The following HERC1 variants were observed in gnomAD, a reference collection of about 807,000 sequenced individuals.
HERC1 encodes the protein HECT and RLD domain containing E3 ubiquitin protein ligase family member 1.
A neutral mutation model predicts 554.3 loss-of-function variants in HERC1; 160 were observed. The observed-to-expected ratio is 0.29, with a 90% CI of 0.25 to 0.33. HERC1 has a LOEUF of 0.33. Ranked by LOEUF, HERC1 falls within the 10% of genes least tolerant of loss-of-function variation. The pLI is 1.00. For synonymous variants in HERC1, 2,175 were observed against 2,131.7 expected (o/e 1.02, Z -0.56); for missense variants, 4,919 against 5,918.5 (o/e 0.83, Z 5.54).
intron 1 of HERC1, among the ~76,000 whole-genome samples, chr15:63,815,167 G>A (rs923584236): frequency 3.3e-5 from 5 of 152,088 alleles, no homozygotes; most frequent in East Asian, 3.9e-4. Flanking sequence ...CTCCACATTC[G>A]TCTCTTATGG....
intron 54 of HERC1, among the ~76,000 whole-genome samples, 158 bp from the exon 55 acceptor site, chr15:63,648,357 T>C (rs2069467601): frequency 6.6e-6 from 1 of 152,220 alleles, no homozygotes; most frequent in South Asian, 2.1e-4. Context: ...AGGCGTACAG[T>C]GGGGATTCCA....
In HERC1 at chr15:63,747,065, G is replaced by C. The variant is rs781269228; in HGVS notation, c.2373C>G (p.Leu791=). The C allele has an allele frequency of 1.3e-5, 21 of 1,596,486 alleles. No individual in the cohort carries two copies. The highest frequency in any genetic ancestry group is 1.8e-5 in the Non-Finnish European group (21 of 1,171,710). ...FPSSREHHSF[L]KLCLKLLSNH... is the part of the protein sequence containing the mutation. ...TTGAAAGTAGCTTCAGGCACAGCTTGAGAAAACTGTGGTGTTCTCTGAAAC... is the reference window on the plus strand; with the variant it reads ...TTGAAAGTAGCTTCAGGCACAGCTTCAGAAAACTGTGGTGTTCTCTGAAAC... The change falls in exon 12 of 78, where the codon CTC becomes CTG. Residue 791 remains leucine (L), a synonymous_variant. Transcript: ENST00000443617.
In HERC1 at chr15:63,754,532, C is replaced by A; in HGVS notation, c.1747G>T (p.Val583Leu). ...TTGTCTCCTCCTCCAAAAGACCATA[C>A]AGTTCTCCCATCTTTAGACAGAGCA... ...TIALSKDGRT[V>L]WSFGGGDNGK... Residue 583 changes from valine (V) to leucine (L), a missense_variant, in exon 7 of 78, where the codon GTA (valine) becomes TTA (leucine). Physicochemically the swap from Val to Leu is conservative, Grantham distance 32. Around this residue, in one of 11 missense-constraint regions of HERC1, gnomAD observed 744 missense variants for 1,090.0 expected, o/e 0.68. Transcript: ENST00000443617. 1 of 1,610,930 alleles carries A rather than the reference C, an allele frequency of 6.2e-7. No homozygotes were observed. The highest frequency in any genetic ancestry group is 8.5e-7 in the Non-Finnish European group (1 of 1,178,372).
intron 38 of HERC1, 92 bp downstream of exon 38, chr15:63,674,250 T>A: frequency 8.9e-7 from 1 of 1,118,680 alleles, no homozygotes; most frequent in East Asian, 2.9e-5. Context: ...TTTTTTTTTT[T>A]ACAAATCACT....
intron 12 of HERC1, among the ~76,000 whole-genome samples, chr15:63,745,719 G>T (rs975842834): frequency 6.6e-6 from 1 of 152,190 alleles, no homozygotes; most frequent in Admixed American, 6.5e-5. Flanking sequence ...GGTACTGTAA[G>T]TGCTCACCTG....
intron 1 of HERC1, among the ~76,000 whole-genome samples, chr15:63,792,270 G>C (rs1014159399): frequency 2.0e-5 from 3 of 152,140 alleles, no homozygotes; most frequent in African/African-American, 7.2e-5. Context: ...TAAAAAATAA[G>C]GGATTTGAAT....
intron 12 of HERC1, among the ~76,000 whole-genome samples, chr15:63,744,237 C>A (rs2074970440): frequency 6.6e-6 from 1 of 151,650 alleles, no homozygotes; most frequent in Non-Finnish European, 1.5e-5. Flanking sequence ...TGGAGTGACA[C>A]AAGCACCCCT....
At chr15:63,805,582 C>A (rs1013854226) in intron 1 of HERC1, among the ~76,000 whole-genome samples, 1 of 152,142 alleles carries the variant, frequency 6.6e-6, no homozygotes, top group African/African-American at 2.4e-5. Flanking sequence ...ACTGTATTAA[C>A]ATTTATCAAA....
At chr15:63,729,172 TGGA>T in intron 16 of HERC1, 61 bp downstream of exon 16, 1 of 1,436,332 alleles carries the variant, frequency 7.0e-7, no homozygotes, top group Non-Finnish European at 9.4e-7. Flanking sequence ...CTTAAGACTT[TGGA>T]AAGCCAAGTG....
intron 44 of HERC1, 89 bp downstream of exon 44, chr15:63,662,895 C>T (rs2070431512): frequency 3.1e-6 from 3 of 965,490 alleles, no homozygotes; most frequent in Non-Finnish European, 1.6e-6. Flanking sequence ...TAGAGTGTTT[C>T]AACTCTAGGC....
At chr15:63,675,175 G>A (rs2071133159) in intron 37 of HERC1, 58 bp from the exon 38 acceptor site, 3 of 1,424,176 alleles carry the variant, frequency 2.1e-6, no homozygotes, top group Non-Finnish European at 2.8e-6. Context: ...ACGGGAGGAA[G>A]GTACGGAAAA....
At position 63,655,835 on chromosome 15, in the gene HERC1, T is replaced by C. The variant is rs765913729; in HGVS notation, c.9991A>G (p.Asn3331Asp). 14 of 1,603,050 alleles carry C rather than the reference T, an allele frequency of 8.7e-6. No individual in the cohort carries two copies. The highest frequency in any genetic ancestry group is 6.7e-5 in the African/African-American group (5 of 74,798). Residue 3331 changes from asparagine to aspartate, a missense_variant, in exon 50 of 78, where the codon AAC becomes GAC. By Grantham distance (23) the Asn-to-Asp change is conservative. Coordinates refer to ENST00000443617, the MANE Select transcript of HERC1 (RefSeq NM_003922.4). ...AEENKLVTSP[N>D]FVVTQALVAL... ...ACAAGGGCCTGTGTTACAACAAAGT[T>C]TGGGGAGGTCACAAGCTTGTTCTCT...
chr15:63,832,751 C>T (rs2078199888), intron 1 of HERC1, among the ~76,000 whole-genome samples: 1 of 152,068 alleles, frequency 6.6e-6, no homozygotes, highest in African/African-American at 2.4e-5. Context: ...TTTAATCAAG[C>T]AGGCCAGAGA....
In HERC1 at chr15:63,716,142, G is replaced by A. The variant is rs7176625; in HGVS notation, c.4150+160C>T. Among the ~76,000 whole-genome samples the A allele has an allele frequency of 0.27, 40,847 of 152,098 alleles. 6,084 individuals are homozygous for A. The highest frequency in any genetic ancestry group is 0.38 in the Middle Eastern group (113 of 294). ...GCATCAGAATAGTACTAGCACAGTT[G>A]TAGGAGCCCCTGTCAGCTAATACAA... On this transcript the variant is annotated intron_variant, in intron 22 of 77. Coordinates refer to ENST00000443617, the MANE Select transcript of HERC1 (RefSeq NM_003922.4).
chr15:63,763,082 T>C (rs959074505), intron 3 of HERC1, among the ~76,000 whole-genome samples: 8 of 152,248 alleles, frequency 5.3e-5, no homozygotes, highest in African/African-American at 1.9e-4. Context: ...TCAGGGCCTT[T>C]GTGGGCTCCA....
chr15:63,608,990 CATCT>C lies in HERC1; in HGVS notation c.*87_*90del. 1 of 1,133,808 alleles carries C rather than the reference CATCT, an allele frequency of 8.8e-7. No individual in the cohort carries two copies. Among genetic ancestry groups the C allele is most frequent in the Non-Finnish European group, 1.2e-6 (1 of 808,584 alleles). 70.2% of individuals were successfully genotyped at this position (1,133,808 alleles called of 1,614,324 possible). ...ATAATGTTGGTTTATGTTCTTATAA[CATCT>C]ATGTAGTTACCATAAAAGTATATCA... On this transcript the variant is annotated 3_prime_UTR_variant, in exon 78 of 78. Transcript: ENST00000443617.
At chr15:63,760,435 CAAAAAAAAAAAAA>C (rs34164820) in intron 3 of HERC1, among the ~76,000 whole-genome samples, 1 of 91,424 alleles carries the variant, frequency 1.1e-5, no homozygotes, top group South Asian at 4.3e-4. Context: ...AGACACCATC[CAAAAAAAAAAAAA>C]AAAAAAAGAC....
intron 1 of HERC1, among the ~76,000 whole-genome samples, chr15:63,787,045 T>C (rs188719244): frequency 2.0e-3 from 299 of 152,238 alleles, no homozygotes; most frequent in Non-Finnish European, 3.4e-3. Flanking sequence ...TTTCACCATG[T>C]TGGCCAGGCT....
In HERC1 at chr15:63,694,088, C is replaced by G; in HGVS notation, c.5550G>C (p.Lys1850Asn). ...GTACACCAGTTTGGGACAATAAATT[C>G]TTCAACTGACTACAGAGTAGATCCA... ...SLLDLLCSQL[K>N]NLLSQTGVLH... The change falls in exon 30 of 78, where the codon AAG becomes AAC. Residue 1850 changes from lysine (K) to asparagine (N), a missense_variant. By Grantham distance (94) the Lys-to-Asn change is moderately conservative (BLOSUM62 0). Transcript: ENST00000443617. This position sits in a 1 kb window ranked among gnomAD's most constrained non-coding sequence, Gnocchi z 4.3. 1 of 1,610,472 alleles carries G rather than the reference C, an allele frequency of 6.2e-7. No homozygotes were observed. The highest frequency in any genetic ancestry group is 8.5e-7 in the Non-Finnish European group (1 of 1,178,268).
Sources: allele counts gnomAD v4.1 joint callset (sites outside exome capture counted in the v4.1 genomes callset), GRCh38; gene constraint gnomAD v4.1.1; regional missense constraint gnomAD v4.1.1; non-coding constraint Gnocchi (gnomAD v3.1); transcripts MANE v1.5; gene names NCBI Gene and HGNC (gene_info 2026-07-23, HGNC 2026-07-21).